MYH10: variants seen among roughly 807,000 people sequenced by gnomAD.
The protein encoded by MYH10 is myosin heavy chain 10, also known as myosin-10.
A neutral mutation model predicts 257.8 loss-of-function variants in MYH10; 55 were observed. That is an observed-to-expected ratio of 0.21 (90% CI 0.17 to 0.27). The LOEUF (loss-of-function observed/expected upper bound fraction) is 0.27. Among genes scored for constraint, MYH10 ranks in the 10% least tolerant of loss-of-function variants. The pLI is 1.00. For synonymous variants in MYH10, 854 were observed against 921.7 expected (o/e 0.93, Z 1.33); for missense variants, 1,631 against 2,500.6 (o/e 0.65, Z 7.42).
chr17:8,574,088 C>T (rs11649797), intron 6 of MYH10, among the ~76,000 whole-genome samples: 77,361 of 152,018 alleles, frequency 0.51, 20,475 homozygotes, highest in Middle Eastern at 0.62. Flanking sequence ...TGAGTGTTCA[C>T]AGCAGCATTA....
At chr17:8,484,615 T>C (rs1431033156) in intron 36 of MYH10, among the ~76,000 whole-genome samples, 2 of 152,146 alleles carry the variant, frequency 1.3e-5, no homozygotes, top group African/African-American at 4.8e-5. Flanking sequence ...TCTGGCAACA[T>C]GTAAAAAGGA....
Position 8,496,889 on chromosome 17 carries a change from T to C in MYH10, c.3952-1648A>G, listed in dbSNP as rs115569966. Among the ~76,000 whole-genome samples, 165 of 152,282 alleles carry C rather than the reference T, an allele frequency of 1.1e-3. 1 individual carries two copies. Among genetic ancestry groups the C allele is most frequent in the African/African-American group, 3.9e-3 (161 of 41,550 alleles). On this transcript the variant is annotated intron_variant, in intron 30 of 42. Coordinates refer to ENST00000360416, the MANE Select transcript of MYH10 (RefSeq NM_001256012.3). ...ATATGGTCTATGTTGAACACCTACG[T>C]TTCTTCTGGGAGTCTGCAATTTGGG...
intron 26 of MYH10, among the ~76,000 whole-genome samples, chr17:8,507,347 C>T (rs2151861707): frequency 6.6e-6 from 1 of 152,346 alleles, no homozygotes; most frequent in South Asian, 2.1e-4. Context: ...AGAGTGGGCA[C>T]CTGCCTGCAG....
Position 8,499,429 on chromosome 17 carries a change from G to T in MYH10, c.3792C>A (p.Asn1264Lys). The stretch of plus-strand genomic sequence containing the variant: ...CCTTCACCTCACACGCCAGCTCCTT[G>T]TTATCTGTCTCCAGGCCCTGCTTGT... ...EKNKQGLETDNKELACEVKVL... is the reference protein window; with the variant it reads ...EKNKQGLETDKKELACEVKVL... The change falls in exon 30 of 43, where the codon AAC (asparagine) becomes AAA (lysine). Residue 1264 changes from asparagine (N) to lysine (K), a missense_variant. This residue lies in a region of MYH10 where 463 missense variants were observed against 621.8 expected (regional missense o/e 0.74). Transcript: ENST00000360416. The T allele has an allele frequency of 1.2e-6, 2 of 1,614,108 alleles. No individual in the cohort carries two copies. The highest frequency in any genetic ancestry group is 2.2e-5 in the South Asian group (2 of 91,076).
rs2082111070 is a variant in MYH10, at chr17:8,535,296, T to C, written c.1894+91A>G. The C allele has an allele frequency of 2.4e-5, 21 of 876,552 alleles. No individual in the cohort carries two copies. The South Asian group carries it at 4.2e-4, about 17-fold the overall frequency. 54.3% of individuals were successfully genotyped at this position (876,552 alleles called of 1,614,324 possible). ...AAAGATTTTAAAGTAAGAAGTTATA[T>C]GTATCCATATATATGTAAAAGAACC... On this transcript the variant is annotated intron_variant, in intron 16 of 42. Transcript: ENST00000360416. The surrounding 1 kb of genome is among the most constrained non-coding windows in gnomAD (Gnocchi z 4.3).
chr17:8,606,865 T>C (rs186310547), intron 2 of MYH10, among the ~76,000 whole-genome samples: 43 of 152,246 alleles, frequency 2.8e-4, no homozygotes, highest in Non-Finnish European at 5.4e-4. Context: ...ACTCCTCAAG[T>C]CTTCAGACTC....
chr17:8,604,360 A>G (rs577780943), intron 3 of MYH10, among the ~76,000 whole-genome samples: 30 of 152,352 alleles, frequency 2.0e-4, no homozygotes, highest in Non-Finnish European at 2.4e-4. Flanking sequence ...ATTCTGATCC[A>G]AAGGAATACA....
intron 7 of MYH10, chr17:8,560,590 A>C (rs566565121): frequency 1.1e-6 from 1 of 887,270 alleles, no homozygotes; most frequent in Admixed American, 1.9e-5. Flanking sequence ...TCGTGCACTG[A>C]GCACTGGAGG....
chr17:8,546,509 A>C (rs746497758), intron 12 of MYH10, 35 bp downstream of exon 12: 1 of 1,554,176 alleles, frequency 6.4e-7, no homozygotes, highest in South Asian at 1.1e-5. Context: ...TTATCATTCA[A>C]ACAAATCAGT....
rs564785872 is a variant in MYH10 at position 8,495,812 on chromosome 17, C to T, written c.3952-571G>A. Among the ~76,000 whole-genome samples, 15 of 151,960 alleles carry T rather than the reference C, an allele frequency of 9.9e-5. No individual in the cohort carries two copies. The South Asian group carries it at 2.1e-3, about 21-fold the overall frequency. On this transcript the variant is annotated intron_variant, in intron 30 of 42. Coordinates refer to ENST00000360416, the MANE Select transcript of MYH10 (RefSeq NM_001256012.3). ...GCAACCTTTGCCTCCTGGGTTCAAG[C>T]GATTCTCCTGCCTCAGCCTCCCGAG...
chr17:8,572,412 C>T (rs898193963), intron 6 of MYH10, among the ~76,000 whole-genome samples: 1 of 152,156 alleles, frequency 6.6e-6, no homozygotes, highest in Non-Finnish European at 1.5e-5. Context: ...AATGTATAAT[C>T]AGAGGTTCCA....
At chr17:8,618,009 C>A (rs1360075622) in intron 2 of MYH10, among the ~76,000 whole-genome samples, 1 of 152,100 alleles carries the variant, frequency 6.6e-6, no homozygotes, top group African/African-American at 2.4e-5. Flanking sequence ...AAGAATGGCA[C>A]TGTTTTATAT....
chr17:8,567,978 C>T (rs2083216035), intron 7 of MYH10, among the ~76,000 whole-genome samples: 1 of 152,166 alleles, frequency 6.6e-6, no homozygotes, highest in Admixed American at 6.5e-5. Flanking sequence ...TGCCGGCGCC[C>T]AGATGTCTGT....
chr17:8,511,174 G>A (rs1224630730), intron 24 of MYH10: 1 of 151,526 alleles, frequency 6.6e-6, no homozygotes, highest in Non-Finnish European at 1.5e-5. Context: ...CTGGTTTCTG[G>A]TGGAAAGCTC....
intron 7 of MYH10, among the ~76,000 whole-genome samples, chr17:8,563,874 T>A (rs2083075571): frequency 7.5e-6 from 1 of 132,956 alleles, no homozygotes; most frequent in African/African-American, 2.8e-5. Flanking sequence ...ATTGCCAGCC[T>A]GGCTTAAGTC....
intron 29 of MYH10, among the ~76,000 whole-genome samples, chr17:8,500,269 G>C (rs947140280): frequency 6.6e-6 from 1 of 152,216 alleles, no homozygotes; most frequent in Non-Finnish European, 1.5e-5. Flanking sequence ...ATGGAGGCCA[G>C]TCTGCACAGG....
At chr17:8,578,878 C>T (rs1367253856) in intron 4 of MYH10, among the ~76,000 whole-genome samples, 1 of 152,066 alleles carries the variant, frequency 6.6e-6, no homozygotes, top group African/African-American at 2.4e-5. Flanking sequence ...ACCCCAAACT[C>T]AAAAATGTTA....
intron 28 of MYH10, 109 bp from the exon 29 acceptor site, chr17:8,501,079 TAATA>T (rs1917439386): frequency 8.6e-7 from 1 of 1,158,828 alleles, no homozygotes; most frequent in African/African-American, 1.6e-5. Flanking sequence ...TAAATTCCCT[TAATA>T]AATACTTGAT....
chr17:8,602,133 G>A lies in MYH10; in HGVS notation c.502+2693C>T, dbSNP rs777195522. On this transcript the variant is annotated intron_variant, in intron 3 of 42. Coordinates refer to ENST00000360416, the MANE Select transcript of MYH10 (RefSeq NM_001256012.3). Reference sequence around the variant, plus strand: ...TGGGACTACAGGCGCGTGCTGCCACGCCCGGCTAATTTTTTGTATTTTCTT... The same window carrying A: ...TGGGACTACAGGCGCGTGCTGCCACACCCGGCTAATTTTTTGTATTTTCTT... Among the ~76,000 whole-genome samples the A allele has an allele frequency of 5.7e-4, 86 of 152,176 alleles. No individual in the cohort carries two copies. The Middle Eastern group carries it at 0.024, about 42-fold the overall frequency.
Sources: allele counts gnomAD v4.1 joint callset (sites outside exome capture counted in the v4.1 genomes callset), GRCh38; gene constraint gnomAD v4.1.1; regional missense constraint gnomAD v4.1.1; non-coding constraint Gnocchi (gnomAD v3.1); transcripts MANE v1.5; gene names NCBI Gene and HGNC (gene_info 2026-07-23, HGNC 2026-07-21).